The following XRRA1 variants were observed in gnomAD, a reference collection of about 807,000 sequenced individuals.
The protein encoded by XRRA1 is X-ray radiation resistance associated 1, also known as X-ray radiation resistance-associated protein 1.
In XRRA1, 69 loss-of-function variants were observed where a neutral mutation model predicts 80.2. The observed-to-expected ratio is 0.86, with a 90% CI of 0.71 to 1.05. XRRA1 has a LOEUF of 1.05. Ranked by LOEUF, XRRA1 falls within the 50% of genes least tolerant of loss-of-function variation. XRRA1 has a pLI of 0.00. For synonymous variants in XRRA1, 348 were observed against 389.9 expected, an observed-to-expected ratio of 0.89 and a Z score of 1.27; for missense variants, 967 against 976.4, an observed-to-expected ratio of 0.99 and a Z score of 0.13.
chr11:74,887,466 A>G (rs927712698), intron 10 of XRRA1, among the ~76,000 whole-genome samples: 14 of 152,208 alleles, frequency 9.2e-5, no homozygotes, highest in African/African-American at 2.9e-4. Context: ...CCAAATAGGA[A>G]CAGCTCCAGT....
At chr11:74,869,948 A>G (rs989179578) in intron 10 of XRRA1, among the ~76,000 whole-genome samples, 1 of 152,146 alleles carries the variant, frequency 6.6e-6, no homozygotes, top group African/African-American at 2.4e-5. Flanking sequence ...TGAGACAACA[A>G]ACCTCGGGTA....
At chr11:74,928,555 C>A (rs1942788589) in intron 6 of XRRA1, among the ~76,000 whole-genome samples, 1 of 152,140 alleles carries the variant, frequency 6.6e-6, no homozygotes, top group Non-Finnish European at 1.5e-5. Flanking sequence ...TGGAGGGGCA[C>A]AAAGAATGCC....
chr11:74,932,033 T>A (rs890767465), intron 5 of XRRA1, among the ~76,000 whole-genome samples: 1 of 152,220 alleles, frequency 6.6e-6, no homozygotes, highest in Non-Finnish European at 1.5e-5. Flanking sequence ...GTTCCTCTTC[T>A]GTATACTAAC....
At chr11:74,856,999 A>T (rs2135765307) in intron 12 of XRRA1, among the ~76,000 whole-genome samples, 2 of 152,066 alleles carry the variant, frequency 1.3e-5, no homozygotes, top group Middle Eastern at 6.8e-3. Context: ...TATCCTTGAG[A>T]CACAGGGTTG....
At chr11:74,905,038 T>G (rs574566471) in intron 10 of XRRA1, among the ~76,000 whole-genome samples, 1 of 152,228 alleles carries the variant, frequency 6.6e-6, no homozygotes, top group Non-Finnish European at 1.5e-5. Flanking sequence ...AACATAATTG[T>G]GCCCTTTATT....
intron 8 of XRRA1, among the ~76,000 whole-genome samples, chr11:74,907,839 C>G (rs2054982248): frequency 1.3e-5 from 2 of 152,148 alleles, no homozygotes; most frequent in Admixed American, 6.5e-5. Flanking sequence ...GGAGAAGTTT[C>G]TCCTTAAACT....
At chr11:74,930,212 A>G in intron 6 of XRRA1, 88 bp downstream of exon 6, 1 of 1,105,544 alleles carries the variant, frequency 9.0e-7, no homozygotes, top group Non-Finnish European at 1.3e-6. Context: ...GGCCAATCAT[A>G]GATGGTTGGA....
intron 10 of XRRA1, among the ~76,000 whole-genome samples, chr11:74,868,284 G>C (rs2043934665): frequency 6.6e-6 from 1 of 152,178 alleles, no homozygotes; most frequent in South Asian, 2.1e-4. Flanking sequence ...AGCTTTGTAA[G>C]TGAAGGAGAA....
intron 10 of XRRA1, among the ~76,000 whole-genome samples, chr11:74,874,362 C>G (rs2045604011): frequency 6.6e-6 from 1 of 151,898 alleles, no homozygotes; most frequent in African/African-American, 2.4e-5. Flanking sequence ...AGGTACCAGT[C>G]CTCAGCCTTC....
chr11:74,843,166 G>C lies in XRRA1; in HGVS notation c.*34C>G. 6.5e-7 allele frequency: 1 copy of C among 1,530,730 alleles called. No individual in the cohort carries two copies. Among genetic ancestry groups the C allele is most frequent in the Middle Eastern group, 1.7e-4 (1 of 5,868 alleles). 94.8% of individuals were successfully genotyped at this position (1,530,730 alleles called of 1,614,324 possible). On this transcript the variant is annotated 3_prime_UTR_variant, in exon 19 of 19. Coordinates refer to ENST00000684022, the MANE Select transcript of XRRA1 (RefSeq NM_001378157.1). Reference sequence around the variant, plus strand: ...AGCCCTCGGGGAGAGCTGGGGCACAGGCCGGGTGGTGCACACAGCCCCCAT... The same window carrying C: ...AGCCCTCGGGGAGAGCTGGGGCACACGCCGGGTGGTGCACACAGCCCCCAT...
At chr11:74,926,101 C>A (rs894924102) in intron 7 of XRRA1, among the ~76,000 whole-genome samples, 1 of 152,170 alleles carries the variant, frequency 6.6e-6, no homozygotes, top group Non-Finnish European at 1.5e-5. Context: ...GCTTCCTAGA[C>A]AAGTGTGAGG....
At chr11:74,883,820 G>T (rs780906854) in intron 10 of XRRA1, among the ~76,000 whole-genome samples, 1 of 152,294 alleles carries the variant, frequency 6.6e-6, no homozygotes, top group Admixed American at 6.5e-5. Context: ...GATACAGGGG[G>T]TAGAAAGAAA....
intron 4 of XRRA1, among the ~76,000 whole-genome samples, chr11:74,935,991 A>T (rs1944887547): frequency 6.6e-6 from 1 of 152,156 alleles, no homozygotes; most frequent in Non-Finnish European, 1.5e-5. Flanking sequence ...AACTGATTCC[A>T]CAGGACTGCA....
intron 1 of XRRA1, among the ~76,000 whole-genome samples, chr11:74,946,775 G>A (rs1309951602): frequency 4.0e-5 from 6 of 148,446 alleles, no homozygotes; most frequent in South Asian, 4.3e-4. Flanking sequence ...TTTTTGAGAC[G>A]GAGTCTTGCT....
rs2054596877 is a variant in XRRA1, at chr11:74,906,367, T to C, written c.875A>G (p.Asn292Ser). 3 of 1,614,032 alleles carry C rather than the reference T, an allele frequency of 1.9e-6. No individual in the cohort carries two copies. The highest frequency in any genetic ancestry group is 2.2e-5 in the East Asian group (1 of 44,882). ...TTTATGGGGACTTCCCCTGCCTCCA[T>C]TCCAGTCTACTGACTCGTCATAGAG... is the stretch of plus-strand genomic sequence containing the variant. ...VQLYDESVDW[N>S]GGRGSPHKEP... is the part of the protein sequence containing the mutation. Residue 292 changes from asparagine (N) to serine (S), a missense_variant, in exon 10 of 19, where the codon AAT (asparagine) becomes AGT (serine). Physicochemically the swap from Asn to Ser is conservative, Grantham distance 46. Transcript: ENST00000684022.
chr11:74,893,680 CATA>C (rs1202482944), intron 10 of XRRA1, among the ~76,000 whole-genome samples: 11 of 151,176 alleles, frequency 7.3e-5, no homozygotes, highest in African/African-American at 2.2e-4. Flanking sequence ...AAATCAAAAC[CATA>C]ATGAGATATT....
At chr11:74,947,838 C>A (rs1053473342) in intron 1 of XRRA1, among the ~76,000 whole-genome samples, 6 of 152,174 alleles carry the variant, frequency 3.9e-5, no homozygotes, top group African/African-American at 1.4e-4. Flanking sequence ...AATTCTCCTG[C>A]CTCAGCCTCC....
At chr11:74,900,999 G>C (rs545550097) in intron 10 of XRRA1, among the ~76,000 whole-genome samples, 4 of 152,250 alleles carry the variant, frequency 2.6e-5, no homozygotes, top group Admixed American at 1.3e-4. Context: ...AACCGGAAGG[G>C]AGGAAGTTGA....
intron 6 of XRRA1, among the ~76,000 whole-genome samples, chr11:74,929,053 A>G (rs1942914332): frequency 6.6e-6 from 1 of 152,182 alleles, no homozygotes; most frequent in South Asian, 2.1e-4. Context: ...TTTCCAGCCC[A>G]AGCTCCTGAC....
Sources: allele counts gnomAD v4.1 joint callset (sites outside exome capture counted in the v4.1 genomes callset), GRCh38; gene constraint gnomAD v4.1.1; transcripts MANE v1.5; gene names NCBI Gene and HGNC (gene_info 2026-07-23, HGNC 2026-07-21).